The following C2CD3 variants were observed in gnomAD, a reference collection of about 807,000 sequenced individuals.
C2CD3 encodes the protein C2 domain-containing protein 3.
C2CD3 carries 148 observed loss-of-function variants against 234.0 expected under a neutral mutation model. The ratio of observed to expected loss-of-function variants is 0.63; its 90% CI spans 0.55 to 0.72. C2CD3 has a LOEUF of 0.72. C2CD3 is among the 30% of genes least tolerant of loss of function. The pLI, the probability that C2CD3 is intolerant of heterozygous loss-of-function variation, is 0.00. For synonymous variants in C2CD3, 1,000 were observed against 1,035.4 expected (o/e 0.97, Z 0.66); for missense variants, 2,577 against 2,811.5 (o/e 0.92, Z 1.89).
chr11:74,157,779 C>T (rs547026876), intron 3 of C2CD3, among the ~76,000 whole-genome samples: 20 of 152,232 alleles, frequency 1.3e-4, no homozygotes, highest in Admixed American at 1.0e-3. Context: ...TCCCAATGAG[C>T]CCCCCACAGA....
At chr11:74,038,552 G>A (rs751391303) in intron 29 of C2CD3, among the ~76,000 whole-genome samples, 1 of 152,184 alleles carries the variant, frequency 6.6e-6, no homozygotes, top group Non-Finnish European at 1.5e-5. Flanking sequence ...GGGACTCCAA[G>A]TCATGCTTTT....
chr11:74,150,069 C>T (rs1183085412), intron 3 of C2CD3, among the ~76,000 whole-genome samples: 1 of 151,604 alleles, frequency 6.6e-6, no homozygotes, highest in Non-Finnish European at 1.5e-5. Flanking sequence ...TTTTTGTTTT[C>T]AGTGCTCTAA....
Position 74,084,864 on chromosome 11 carries a change from T to A in C2CD3, c.4000+17A>T, listed in dbSNP as rs1279228056. ...GGGAAAGGGTGGCATCAGAAAGTGA[T>A]AATCCAGGATCCTTACCAGATCTCT... On this transcript the variant is annotated intron_variant, in intron 22 of 32. Transcript: ENST00000334126. 9 of 1,492,148 alleles carry A rather than the reference T, an allele frequency of 6.0e-6. No individual in the cohort carries two copies. Among genetic ancestry groups the A allele is most frequent in the Non-Finnish European group, 7.5e-6 (8 of 1,069,126 alleles). The allele number at this position is 1,492,148 out of a possible 1,614,324, so 92.4% of individuals were successfully genotyped here.
At chr11:74,082,146 G>A (rs1590741800) in intron 22 of C2CD3, among the ~76,000 whole-genome samples, 8 of 143,980 alleles carry the variant, frequency 5.6e-5, no homozygotes, top group Admixed American at 5.0e-4. Context: ...TTTTTGAGAC[G>A]GAGTCTCGGT....
At chr11:74,108,949 C>T (rs1486666644) in intron 12 of C2CD3, 85 bp downstream of exon 12, 8 of 705,364 alleles carry the variant, frequency 1.1e-5, no homozygotes, top group South Asian at 3.4e-5. Flanking sequence ...CCTGAAGATT[C>T]CTAGTTTAGG....
At chr11:74,034,327 C>T in intron 30 of C2CD3, 49 bp from the exon 31 acceptor site, 2 of 1,493,008 alleles carry the variant, frequency 1.3e-6, no homozygotes, top group South Asian at 2.6e-5. Flanking sequence ...GCCACAGACC[C>T]CTCAAATTTC....
rs61733219 is a variant in C2CD3 at position 74,013,463 on chromosome 11, C to T, written c.6984G>A (p.Ser2328=). ...SQRPCRPRPN[S]LPLNLPEEET... ...CTTCCTCAGGCAGGTTGAGGGGGAG[C>T]GAGTTAGGTCTGGGGCGACAAGGCC... Residue 2328 remains serine (S), a synonymous_variant, in exon 33 of 33, where the codon TCG becomes TCA. Transcript: ENST00000334126. The T allele has an allele frequency of 4.2e-6, 6 of 1,427,532 alleles. No homozygotes were observed. Among genetic ancestry groups the T allele is most frequent in the Admixed American group, 2.9e-5 (1 of 34,564 alleles). 88.4% of individuals were successfully genotyped at this position (1,427,532 alleles called of 1,614,324 possible).
At chr11:74,084,145 G>A (rs1955527979) in intron 22 of C2CD3, among the ~76,000 whole-genome samples, 1 of 152,092 alleles carries the variant, frequency 6.6e-6, no homozygotes, top group Non-Finnish European at 1.5e-5. Flanking sequence ...CCTTTGTAGG[G>A]ACATGGATGC....
chr11:74,161,621 G>A, intron 2 of C2CD3, 65 bp from the exon 3 acceptor site: 1 of 1,109,422 alleles, frequency 9.0e-7, no homozygotes, highest in Non-Finnish European at 1.3e-6. Context: ...TTAAGACGTG[G>A]GTAGAGGGGT....
chr11:74,103,871 T>G (rs183236231), intron 13 of C2CD3, among the ~76,000 whole-genome samples: 58 of 152,198 alleles, frequency 3.8e-4, no homozygotes, highest in African/African-American at 1.3e-3. Flanking sequence ...ATAAGATAGT[T>G]CCCAGAAAAG....
intron 3 of C2CD3, among the ~76,000 whole-genome samples, chr11:74,149,782 A>G (rs922340235): frequency 6.6e-6 from 1 of 151,838 alleles, no homozygotes; most frequent in Non-Finnish European, 1.5e-5. Flanking sequence ...TTACTCCCTC[A>G]TTTTGGCAGA....
rs369706661 is a variant in C2CD3 at position 74,104,622 on chromosome 11, G to C, written c.2086-997C>G. 6.6e-5 allele frequency among the ~76,000 whole-genome samples: 10 copies of C among 152,120 alleles called. No individual in the cohort carries two copies. The South Asian group carries it at 2.1e-3, about 32-fold the overall frequency. ...GTAAGAATTGGGGAGTCTCAGTAAA[G>C]GGTATAAAAAAGTCTAAATAATTAA... On this transcript the variant is annotated intron_variant, in intron 13 of 32. Transcript: ENST00000334126.
chr11:74,170,775 G>T lies in C2CD3; in HGVS notation c.18C>A (p.Gly6=). Residue 6 remains glycine (G), a synonymous_variant, in exon 1 of 33, where the codon GGC becomes GGA. Coordinates refer to ENST00000334126, the MANE Select transcript of C2CD3 (RefSeq NM_001286577.2). The part of the protein sequence containing the change: MKQRK[G]QGSGGSRGRK... ...GCCCACGGCTGCCCCCAGACCCTTG[G>T]CCTTTTCGTTGTTTCATGATGAGCC... 6.2e-7 allele frequency: 1 copy of T among 1,614,098 alleles called. No individual in the cohort carries two copies. Among genetic ancestry groups the T allele is most frequent in the Non-Finnish European group, 8.5e-7 (1 of 1,180,006 alleles).
intron 5 of C2CD3, 60 bp from the exon 6 acceptor site, chr11:74,133,617 A>G: frequency 1.3e-6 from 2 of 1,570,338 alleles, no homozygotes; most frequent in Non-Finnish European, 1.7e-6. Context: ...CATTTGGAAT[A>G]TTCAGTGCAT....
At chr11:74,063,324 G>GA (rs1207145778) in intron 24 of C2CD3, among the ~76,000 whole-genome samples, 2 of 151,986 alleles carry the variant, frequency 1.3e-5, no homozygotes, top group Admixed American at 6.6e-5. Flanking sequence ...AAACACAACA[G>GA]AAAAAGAGAA....
intron 6 of C2CD3, among the ~76,000 whole-genome samples, 158 bp from the exon 7 acceptor site, chr11:74,133,130 C>A (rs1342677871): frequency 2.0e-5 from 3 of 152,156 alleles, no homozygotes; most frequent in Admixed American, 6.5e-5. Context: ...AAAGCTCTTT[C>A]CTACAGTAGA....
chr11:74,110,873 G>GC (rs955033163), intron 11 of C2CD3, among the ~76,000 whole-genome samples: 1 of 152,076 alleles, frequency 6.6e-6, no homozygotes, highest in Non-Finnish European at 1.5e-5. Context: ...GTTAAGAGAG[G>GC]CCCACAGGTA....
chr11:74,165,994 C>T (rs1042677626), intron 2 of C2CD3, among the ~76,000 whole-genome samples: 1 of 152,128 alleles, frequency 6.6e-6, no homozygotes, highest in Non-Finnish European at 1.5e-5. Flanking sequence ...CGTTCAGCCT[C>T]TTATCGCTTC....
intron 5 of C2CD3, among the ~76,000 whole-genome samples, chr11:74,135,531 G>A (rs1790383): frequency 0.04 from 6,042 of 152,254 alleles, 399 homozygotes; most frequent in African/African-American, 0.14. Flanking sequence ...TCTCTGGCTG[G>A]TTAAAGGATA....
Sources: gnomAD v4.1 joint callset for allele counts (sites outside exome capture counted in the v4.1 genomes callset) on GRCh38, gnomAD v4.1.1 for gene constraint, MANE v1.5 for transcripts, NCBI Gene and HGNC (gene_info 2026-07-23, HGNC 2026-07-21) for gene names.